Variants in TTC3 observed in about 807,000 individuals in gnomAD.
The protein encoded by TTC3 is E3 ubiquitin-protein ligase TTC3.
In TTC3, 180 loss-of-function variants were observed where a neutral mutation model predicts 249.6. That is an observed-to-expected ratio of 0.72 (90% CI 0.64 to 0.82). TTC3 has a LOEUF of 0.82. Ranked by LOEUF, TTC3 falls within the 40% of genes least tolerant of loss-of-function variation. TTC3 has a pLI of 0.00. For synonymous variants in TTC3, 717 were observed against 805.0 expected, an observed-to-expected ratio of 0.89 and a Z score of 1.85; for missense variants, 2,061 against 2,398.4, an observed-to-expected ratio of 0.86 and a Z score of 2.94.
At chr21:37,126,285 G>C (rs12185849) in intron 15 of TTC3, 142 bp downstream of exon 15, 172,939 of 544,580 alleles carry the variant, frequency 0.32, 29,534 homozygotes, top group South Asian at 0.51. Context: ...AGAAAATATT[G>C]AATATTTATT....
At chr21:37,177,019 GA>G (rs1364682581) in intron 35 of TTC3, among the ~76,000 whole-genome samples, 3 of 152,200 alleles carry the variant, frequency 2.0e-5, no homozygotes, top group African/African-American at 4.8e-5. Context: ...GCTAAGCGTA[GA>G]AGTCTGGATC....
intron 10 of TTC3, among the ~76,000 whole-genome samples, chr21:37,099,733 A>G: frequency 6.6e-6 from 1 of 152,208 alleles, no homozygotes; most frequent in Admixed American, 6.5e-5. Flanking sequence ...ATCACTTTGG[A>G]GAGCAATTTG....
At chr21:37,194,080 G>A (rs1232403363) in intron 41 of TTC3, among the ~76,000 whole-genome samples, 2 of 152,080 alleles carry the variant, frequency 1.3e-5, no homozygotes, top group Non-Finnish European at 2.9e-5. Context: ...ATGACGCAGG[G>A]GCAAAGCCAA....
chr21:37,182,984 T>C (rs930943441), intron 36 of TTC3, 71 bp downstream of exon 36: 6 of 1,277,740 alleles, frequency 4.7e-6, no homozygotes, highest in Non-Finnish European at 6.3e-6. Flanking sequence ...ATTTTCACAT[T>C]TTTGATATTT....
At chr21:37,151,496 A>G (rs2079465130) in intron 25 of TTC3, among the ~76,000 whole-genome samples, 1 of 152,188 alleles carries the variant, frequency 6.6e-6, no homozygotes, top group Non-Finnish European at 1.5e-5. Context: ...TTGTAACCAG[A>G]TCAACCAAAT....
At chr21:37,151,506 T>TTA (rs1430901676) in intron 25 of TTC3, among the ~76,000 whole-genome samples, 1 of 152,156 alleles carries the variant, frequency 6.6e-6, no homozygotes, top group African/African-American at 2.4e-5. Flanking sequence ...ATCAACCAAA[T>TTA]TATAGTGTTG....
chr21:37,088,324 T>C, exon 4 of TTC3: 1 of 1,613,020 alleles, frequency 6.2e-7, no homozygotes, highest in South Asian at 1.1e-5. Flanking sequence ...AATATCACGA[T>C]TGCATCCCTG....
chr21:37,188,466 T>C (rs1044840629), intron 38 of TTC3, 29 bp from the exon 39 acceptor site: 1 of 1,555,798 alleles, frequency 6.4e-7, no homozygotes. Context: ...ATTTGTAAAA[T>C]ACTCATATGT....
intron 8 of TTC3, among the ~76,000 whole-genome samples, chr21:37,095,018 C>T (rs2073761130): frequency 6.6e-6 from 1 of 151,870 alleles, no homozygotes; most frequent in Non-Finnish European, 1.5e-5. Context: ...CACTTGTAGT[C>T]CTAGCTACTT....
rs536134897 is a variant in TTC3, at chr21:37,095,426, C to A, written c.764C>A (p.Thr255Asn). The A allele has an allele frequency of 1.6e-4, 256 of 1,599,328 alleles. 6 individuals are homozygous for A. The South Asian group carries it at 2.8e-3, about 18-fold the overall frequency. The change falls in exon 9 of 46, where the codon ACC becomes AAC. Residue 255 changes from threonine to asparagine, a missense_variant. Thr to Asn is a moderately conservative substitution (Grantham distance 65). This residue lies in a region of TTC3 where 989 missense variants were observed against 1,145.1 expected (regional missense o/e 0.86). Coordinates refer to ENST00000355666, the Ensembl canonical transcript of TTC3. ...TTTGATATAGCTATTATCTATTACA[C>A]CAGAGCCATTGAATATAGGTAAGAG...
intron 45 of TTC3, among the ~76,000 whole-genome samples, chr21:37,201,128 G>A (rs2835664): frequency 0.53 from 80,850 of 151,982 alleles, 22,159 homozygotes; most frequent in African/African-American, 0.64. Flanking sequence ...AGAATGCCAG[G>A]CTCTGGAATT....
chr21:37,104,588 C>CAAAAAAAAAAAAAAAAAAA lies in TTC3; in HGVS notation c.846-3801_846-3783dup, dbSNP rs141618903. ...CTCGGCGACGAGCAAAACTCCGTCT[C>CAAAAAAAAAAAAAAAAAAA]AAAAAAAAAAAAAAAAAAAAAGAAA... On this transcript the variant is annotated intron_variant, in intron 10 of 45. Transcript: ENST00000355666. Among the ~76,000 whole-genome samples, 54 of 104,292 alleles carry CAAAAAAAAAAAAAAAAAAA rather than the reference C, an allele frequency of 5.2e-4. 1 individual carries two copies. Among genetic ancestry groups the CAAAAAAAAAAAAAAAAAAA allele is most frequent in the African/African-American group, 1.2e-3 (31 of 26,848 alleles). The allele number at this position is 104,292 out of a possible 152,430, so 68.4% of individuals were successfully genotyped here.
chr21:37,166,594 C>A, exon 33 of TTC3: 1 of 1,612,174 alleles, frequency 6.2e-7, no homozygotes, highest in Non-Finnish European at 8.5e-7. Flanking sequence ...ACATTCCACA[C>A]GTGCAGATGG....
At chr21:37,132,103 T>C (rs1044849110) in intron 16 of TTC3, among the ~76,000 whole-genome samples, 4 of 152,182 alleles carry the variant, frequency 2.6e-5, no homozygotes, top group African/African-American at 9.7e-5. Context: ...AATCAATTCA[T>C]CTGGTTTCCC....
At chr21:37,121,901 T>G (rs2076613241) in exon 12 of TTC3, 1 of 1,613,200 alleles carries the variant, frequency 6.2e-7, no homozygotes. Flanking sequence ...TCAAAAACTC[T>G]GTAAAAATGA....
At chr21:37,167,131 G>A (rs2148079764) in intron 33 of TTC3, among the ~76,000 whole-genome samples, 1 of 152,270 alleles carries the variant, frequency 6.6e-6, no homozygotes, top group South Asian at 2.1e-4. Flanking sequence ...GACCTACACA[G>A]GCCCAGCTTC....
chr21:37,103,624 CTGTT>C (rs1341975274), intron 10 of TTC3, among the ~76,000 whole-genome samples: 4 of 152,106 alleles, frequency 2.6e-5, no homozygotes, highest in Admixed American at 2.0e-4. Context: ...TATTATAACG[CTGTT>C]TGTAGTGCTA....
intron 10 of TTC3, chr21:37,097,860 T>A: frequency 1.5e-6 from 1 of 655,772 alleles, no homozygotes; most frequent in South Asian, 1.8e-5. Flanking sequence ...TAGTAAACTC[T>A]AAGCATGTAG....
rs569947699 is a variant in TTC3 at position 37,155,017 on chromosome 21, T to C, written c.2741-1638T>C. ...GTCGATATAATCCATGTTTATTCTG[T>C]AGATTAAAGGTATCATTTTAATAAG... On this transcript the variant is annotated intron_variant, in intron 27 of 45. Transcript: ENST00000355666. 2.8e-4 allele frequency among the ~76,000 whole-genome samples: 42 copies of C among 152,324 alleles called. No homozygotes were observed. In the Middle Eastern group the frequency reaches 0.017, roughly 62 times the overall value.
Sources: allele counts gnomAD v4.1 joint callset (sites outside exome capture counted in the v4.1 genomes callset), GRCh38; gene constraint gnomAD v4.1.1; regional missense constraint gnomAD v4.1.1; transcripts MANE v1.5; gene names NCBI Gene and HGNC (gene_info 2026-07-23, HGNC 2026-07-21).